Variants in ANKRA2 observed in about 807,000 individuals in gnomAD.
ANKRA2 encodes ankyrin repeat family A protein 2.
In ANKRA2, 33 loss-of-function variants were observed where a neutral mutation model predicts 37.8. The ratio of observed to expected loss-of-function variants is 0.87; its 90% confidence interval spans 0.66 to 1.17. ANKRA2 has a LOEUF of 1.17. Among genes scored for constraint, ANKRA2 ranks in the 50% most tolerant of loss-of-function variants. ANKRA2 has a pLI of 0.00. For missense variants in ANKRA2, 326 were observed against 373.7 expected, an observed-to-expected ratio of 0.87 and a Z score of 1.05; for synonymous variants, 126 against 132.3, an observed-to-expected ratio of 0.95 and a Z score of 0.33.
intron 7 of ANKRA2, 93 bp from the exon 8 acceptor site, chr5:73,553,579 T>G: frequency 9.1e-7 from 1 of 1,094,242 alleles, no homozygotes; most frequent in South Asian, 1.4e-5. Flanking sequence ...GAGAGATTTT[T>G]CAGTTTGGAG....
chr5:73,561,092 A>G (rs1417417815), intron 3 of ANKRA2, 38 bp downstream of exon 3: 2 of 1,536,824 alleles, frequency 1.3e-6, no homozygotes, highest in East Asian at 2.3e-5. Context: ...AAAGTATTAC[A>G]TTAAGAATAT....
At chr5:73,563,474 A>G (rs1747611220) in intron 1 of ANKRA2, among the ~76,000 whole-genome samples, 1 of 152,230 alleles carries the variant, frequency 6.6e-6, no homozygotes, top group Admixed American at 6.5e-5. Flanking sequence ...TTAAGAAATG[A>G]TAATTCATGT....
At position 73,562,690 on chromosome 5, in the gene ANKRA2, C is replaced by T. The variant is rs1423754763; in HGVS notation, c.192G>A (p.Val64=). The change falls in exon 2 of 9, where the codon GTG becomes GTA. Residue 64 remains valine, a synonymous_variant. Transcript: ENST00000296785. ...TTAAGGACTTCACAAATCGAGAACA[C>T]ACATTCATATCAAATCGGTTAGGCA... is the stretch of plus-strand genomic sequence containing the variant. ...FILPNRFDMN[V]CSRFVKSLNE... 11 of 1,614,076 alleles carry T rather than the reference C, an allele frequency of 6.8e-6. No homozygotes were observed. The highest frequency in any genetic ancestry group is 1.3e-5 in the African/African-American group (1 of 74,942).
Position 73,554,929 on chromosome 5 carries a change from T to C in ANKRA2, c.670A>G (p.Ser224Gly), listed in dbSNP as rs1211858768. Reference sequence around the variant, plus strand: ...TTGACAATATCTGTGTAGCCTTTACTACAGGCCAACGACAGTGCACTTTCT... The same window carrying C: ...TTGACAATATCTGTGTAGCCTTTACCACAGGCCAACGACAGTGCACTTTCT... ...GRESALSLACSKGYTDIVKML... is the reference protein window; with the variant it reads ...GRESALSLACGKGYTDIVKML... The change falls in exon 6 of 9, where the codon AGT (serine) becomes GGT (glycine). Residue 224 changes from serine (S) to glycine (G), a missense_variant. Around this residue, in one of 3 missense-constraint regions of ANKRA2, gnomAD observed 228 missense variants for 260.2 expected, o/e 0.88. Coordinates refer to ENST00000296785, the MANE Select transcript of ANKRA2 (RefSeq NM_023039.5). 6.2e-7 allele frequency: 1 copy of C among 1,613,922 alleles called. No individual in the cohort carries two copies. Among genetic ancestry groups the C allele is most frequent in the East Asian group, 2.2e-5 (1 of 44,880 alleles).
chr5:73,562,006 T>C (rs1003087541), intron 2 of ANKRA2, among the ~76,000 whole-genome samples: 3 of 152,004 alleles, frequency 2.0e-5, no homozygotes, highest in Non-Finnish European at 2.9e-5. Context: ...AAAAGGAACA[T>C]GATTTTTTTT....
rs1561271649 is a variant in ANKRA2 at position 73,562,777 on chromosome 5, T to C, written c.105A>G (p.Pro35=). The part of the protein sequence containing the change: ...TGMPDIKIEH[P]LDPNSEEGSA... ...ACCCTTCTTCTGAATTTGGGTCCAG[T>C]GGATGTTCTATTTTAATGTCTGGCA... The change falls in exon 2 of 9, where the codon CCA becomes CCG. Residue 35 remains proline, a synonymous_variant. Transcript: ENST00000296785. 1 of 1,614,176 alleles carries C rather than the reference T, an allele frequency of 6.2e-7. No homozygotes were observed. Among genetic ancestry groups the C allele is most frequent in the Non-Finnish European group, 8.5e-7 (1 of 1,180,024 alleles).
rs777393206 is a variant in ANKRA2, at chr5:73,554,224, A to C, written c.805+98T>G. On this transcript the variant is annotated intron_variant, in intron 7 of 8. Transcript: ENST00000296785. ...GAGCAGCAAGATTCATGTATTTAAC[A>C]ATAGTTAATGATTCTCCTGAGTAGT... 7 of 1,049,606 alleles carry C rather than the reference A, an allele frequency of 6.7e-6. No individual in the cohort carries two copies. The East Asian group carries it at 1.5e-4, about 23-fold the overall frequency. The allele number at this position is 1,049,606 out of a possible 1,614,324, so 65.0% of individuals were successfully genotyped here. A position where few individuals can be genotyped will look rare whatever the true frequency, so the allele number is the denominator to read the frequency against.
intron 4 of ANKRA2, 103 bp downstream of exon 4, chr5:73,557,468 GTAAC>G (rs1161439518): frequency 1.5e-5 from 5 of 338,380 alleles, no homozygotes; most frequent in Non-Finnish European, 2.4e-5. Context: ...GTGAGTTTAT[GTAAC>G]TATTTGTTTT....
Position 73,562,662 on chromosome 5 carries a change from C to CG in ANKRA2, c.219_220insC (p.Glu74ArgfsTer4). 6.2e-7 allele frequency: 1 copy of CG among 1,614,184 alleles called. No individual in the cohort carries two copies. The highest frequency in any genetic ancestry group is 8.5e-7 in the Non-Finnish European group (1 of 1,180,000). ...TCTTGAATATTTTTACTATCTTCTT[C>CG]ATTTAAGGACTTCACAAATCGAGAA... is the stretch of plus-strand genomic sequence containing the variant. On this transcript the variant is annotated frameshift_variant, in exon 2 of 9. Transcript: ENST00000296785. LOFTEE classifies it high-confidence loss of function.
At chr5:73,565,101 G>A (rs534667987) in intron 1 of ANKRA2, 31 bp downstream of exon 1, 185 of 152,288 alleles carry the variant, frequency 1.2e-3, no homozygotes, top group African/African-American at 4.2e-3. Context: ...ACAAGGAGAG[G>A]AAGGTGCTAT....
intron 3 of ANKRA2, 23 bp from the exon 4 acceptor site, chr5:73,557,663 T>C: frequency 1.3e-6 from 2 of 1,579,884 alleles, no homozygotes; most frequent in South Asian, 1.1e-5. Flanking sequence ...CATAAAATGC[T>C]TCATGAATTA....
intron 1 of ANKRA2, among the ~76,000 whole-genome samples, chr5:73,564,468 T>C (rs1747657061): frequency 6.6e-6 from 1 of 152,244 alleles, no homozygotes; most frequent in African/African-American, 2.4e-5. Context: ...AGAACAGTAC[T>C]TGGTCCTACC....
chr5:73,556,471 A>C (rs1747399910), intron 4 of ANKRA2, among the ~76,000 whole-genome samples: 2 of 152,242 alleles, frequency 1.3e-5, no homozygotes, highest in Admixed American at 1.3e-4. Context: ...CTTCATTACA[A>C]CAAAACATAT....
intron 2 of ANKRA2, chr5:73,562,361 G>A (rs1747579809): frequency 2.6e-6 from 1 of 382,724 alleles, no homozygotes; most frequent in Non-Finnish European, 4.6e-6. Flanking sequence ...TAGGGAATTT[G>A]TAAACAAATA....
At position 73,561,292 on chromosome 5, in the gene ANKRA2, A is replaced by C; in HGVS notation, c.290-4T>G. 6.2e-7 allele frequency: 1 copy of C among 1,611,094 alleles called. No individual in the cohort carries two copies. The highest frequency in any genetic ancestry group is 8.5e-7 in the Non-Finnish European group (1 of 1,177,938). On this transcript the variant is annotated splice_polypyrimidine_tract_variant and splice_region_variant and intron_variant, in intron 2 of 8. Coordinates refer to ENST00000296785, the MANE Select transcript of ANKRA2 (RefSeq NM_023039.5). ...GATGTATGGATATTGCATTCAGCTAAGTGAAAAACAAATGTAAACACATTA... is the reference window on the plus strand; with the variant it reads ...GATGTATGGATATTGCATTCAGCTACGTGAAAAACAAATGTAAACACATTA...
At position 73,553,429 on chromosome 5, in the gene ANKRA2, G is replaced by C; in HGVS notation, c.863C>G (p.Ala288Gly). 6.2e-7 allele frequency: 1 copy of C among 1,613,280 alleles called. No homozygotes were observed. The highest frequency in any genetic ancestry group is 8.5e-7 in the Non-Finnish European group (1 of 1,179,560). Residue 288 changes from alanine (A) to glycine (G), a missense_variant, in exon 8 of 9, where the codon GCT (alanine) becomes GGT (glycine). This residue lies in a region of ANKRA2 where 228 missense variants were observed against 260.2 expected (regional missense o/e 0.88). Coordinates refer to ENST00000296785, the MANE Select transcript of ANKRA2 (RefSeq NM_023039.5). The part of the protein sequence containing the change: ...TDSGYNSMDL[A>G]VALGYRSVQQ... ...ACCACTTCTATAGCCTAGGGCTACA[G>C]CTAGATCCATAGAATTATATCCAGA...
chr5:73,557,987 G>C (rs1747448163), intron 3 of ANKRA2, among the ~76,000 whole-genome samples: 1 of 152,000 alleles, frequency 6.6e-6, no homozygotes, highest in Non-Finnish European at 1.5e-5. Flanking sequence ...TGAGGCTGGG[G>C]AATCACTTGA....
chr5:73,560,084 T>C (rs1033270312), intron 3 of ANKRA2, among the ~76,000 whole-genome samples: 2 of 152,200 alleles, frequency 1.3e-5, no homozygotes, highest in East Asian at 1.9e-4. Flanking sequence ...TATTTAAAAA[T>C]GCAAGAATAT....
intron 7 of ANKRA2, among the ~76,000 whole-genome samples, chr5:73,554,098 A>G (rs769597005): frequency 6.6e-6 from 1 of 152,094 alleles, no homozygotes; most frequent in Non-Finnish European, 1.5e-5. Flanking sequence ...TGACCCCCCA[A>G]ATGAAAGCAA....
Sources: allele counts gnomAD v4.1 joint callset (sites outside exome capture counted in the v4.1 genomes callset), GRCh38; gene constraint gnomAD v4.1.1; regional missense constraint gnomAD v4.1.1; transcripts MANE v1.5; gene names NCBI Gene and HGNC (gene_info 2026-07-23, HGNC 2026-07-21).